Variants in CNKSR2 observed in about 807,000 individuals in gnomAD.
The protein encoded by CNKSR2 is CNK homolog protein 2.
In CNKSR2, 14 loss-of-function variants were observed where a neutral mutation model predicts 84.4. That is an observed-to-expected ratio of 0.17 (90% CI 0.11 to 0.26). The LOEUF is 0.26. CNKSR2 is among the 10% of genes least tolerant of loss of function. The pLI, the probability that CNKSR2 is intolerant of heterozygous loss-of-function variation, is 1.00. For synonymous variants in CNKSR2, 275 were observed against 277.9 expected (o/e 0.99, Z 0.10); for missense variants, 485 against 771.2 (o/e 0.63, Z 4.40).
At chrX:21,397,221 G>A (rs768420013) in intron 1 of CNKSR2, among the ~76,000 whole-genome samples, 2 of 111,252 alleles carry the variant, frequency 1.8e-5, no homozygotes, top group Non-Finnish European at 3.8e-5. Context: ...TGAACACACC[G>A]TACTTTTTGA....
chrX:21,488,783 A>G (rs2091412655), intron 5 of CNKSR2, among the ~76,000 whole-genome samples: 1 of 111,372 alleles, frequency 9.0e-6, no homozygotes, highest in South Asian at 3.8e-4. Context: ...AAGCCAAGGG[A>G]AAAGTCAAGC....
chrX:21,568,599 CT>C (rs1311872528), intron 13 of CNKSR2, among the ~76,000 whole-genome samples: 1 of 110,572 alleles, frequency 9.0e-6, no homozygotes, highest in African/African-American at 3.3e-5. Flanking sequence ...GGTTTTGTGG[CT>C]TTTTTTGATG....
At position 21,557,225 on chromosome X, in the gene CNKSR2, G is replaced by T. The variant is rs370834677; in HGVS notation, c.1304-4246G>T. On this transcript the variant is annotated intron_variant, in intron 11 of 21. Transcript: ENST00000379510. ...TGTTGTACACTAGCATTAAAGCATA[G>T]CAATTTTGTATTAAAATACAGTAAT... Among the ~76,000 whole-genome samples, 4 of 110,859 alleles carry T rather than the reference G, an allele frequency of 3.6e-5. 1 individual carries two copies. Among genetic ancestry groups the T allele is most frequent in the Admixed American group, 9.6e-5 (1 of 10,397 alleles).
intron 1 of CNKSR2, among the ~76,000 whole-genome samples, chrX:21,411,033 C>T (rs779044902): frequency 8.3e-4 from 91 of 109,453 alleles, no homozygotes; most frequent in Non-Finnish European, 1.6e-3. Flanking sequence ...TTATACTAAA[C>T]TTTTCTTTTG....
Position 21,506,613 on chromosome X carries a change from T to C in CNKSR2, c.810+5025T>C, listed in dbSNP as rs1007104906. The C allele has an allele frequency of 2.7e-5, 3 of 111,754 alleles. No individual in the cohort carries two copies. In the East Asian group the frequency reaches 8.4e-4, roughly 31 times the overall value. The allele number at this position is 111,754 out of a possible 1,213,427, so 9.2% of individuals were successfully genotyped here. On this transcript the variant is annotated intron_variant, in intron 8 of 21. Transcript: ENST00000379510. ...ACTAAAATTTATTATCTTAAGTCCT[T>C]ATATAAAGGAGATAAATTGTATGAT...
intron 1 of CNKSR2, among the ~76,000 whole-genome samples, chrX:21,399,355 T>G (rs1472071902): frequency 9.0e-6 from 1 of 111,587 alleles, no homozygotes; most frequent in Non-Finnish European, 1.9e-5. Flanking sequence ...TTATAGGTAT[T>G]TTTTATATGG....
intron 1 of CNKSR2, among the ~76,000 whole-genome samples, chrX:21,386,334 A>G (rs1050137150): frequency 1.8e-5 from 2 of 111,909 alleles, no homozygotes; most frequent in Non-Finnish European, 3.8e-5. Context: ...GACATTTATC[A>G]TAGACCAAAT....
intron 5 of CNKSR2, among the ~76,000 whole-genome samples, chrX:21,483,593 A>T (rs867791467): frequency 2.0e-5 from 2 of 98,738 alleles, no homozygotes; most frequent in South Asian, 4.7e-4. Context: ...AGTATAATAA[A>T]ATATATATAT....
intron 13 of CNKSR2, among the ~76,000 whole-genome samples, chrX:21,577,091 A>T (rs1473433643): frequency 1.8e-5 from 2 of 112,082 alleles, no homozygotes; most frequent in Admixed American, 9.5e-5. Context: ...TATTGTTTAA[A>T]TGTTTAGAAA....
chrX:21,586,322 G>C (rs138943430), intron 13 of CNKSR2, among the ~76,000 whole-genome samples: 29 of 111,898 alleles, frequency 2.6e-4, no homozygotes, highest in Non-Finnish European at 4.3e-4. Context: ...ACAGCTACTT[G>C]TATAAAACTG....
At chrX:21,530,952 A>C (rs1405019089) in intron 10 of CNKSR2, among the ~76,000 whole-genome samples, 1 of 110,501 alleles carries the variant, frequency 9.0e-6, no homozygotes, top group East Asian at 2.8e-4. Context: ...GAAAAAAATC[A>C]ACTTGCCATC....
Position 21,422,626 on chromosome X carries a change from C to T in CNKSR2, c.65-3871C>T, listed in dbSNP as rs1323740749. On this transcript the variant is annotated intron_variant, in intron 1 of 21. Transcript: ENST00000379510. Reference sequence around the variant, plus strand: ...GTATTTTCAGCCTTGCTGTAAGAAACAGTCTAATGGGAACTTATAGTTGTG... The same window carrying T: ...GTATTTTCAGCCTTGCTGTAAGAAATAGTCTAATGGGAACTTATAGTTGTG... Among the ~76,000 whole-genome samples, 4 of 111,841 alleles carry T rather than the reference C, an allele frequency of 3.6e-5. No homozygotes were observed. The Admixed American group carries it at 3.8e-4, about 11-fold the overall frequency.
At chrX:21,439,947 C>T (rs868748303) in intron 3 of CNKSR2, among the ~76,000 whole-genome samples, 1 of 109,243 alleles carries the variant, frequency 9.2e-6, no homozygotes, top group African/African-American at 3.3e-5. Flanking sequence ...ATACCCCTCC[C>T]CCCCAAAAAA....
intron 13 of CNKSR2, among the ~76,000 whole-genome samples, chrX:21,565,510 T>A (rs2092230397): frequency 9.0e-6 from 1 of 111,664 alleles, no homozygotes; most frequent in African/African-American, 3.3e-5. Flanking sequence ...TTGCCTCCTG[T>A]TTTTATTATA....
At chrX:21,601,460 A>T (rs747070001) in intron 18 of CNKSR2, 111 bp downstream of exon 18, 21 of 493,144 alleles carry the variant, frequency 4.3e-5, no homozygotes, top group Non-Finnish European at 6.9e-5. Flanking sequence ...ATTTTTGGTT[A>T]TTTCTCTTCT....
chrX:21,601,539 G>C (rs755212025), intron 18 of CNKSR2, among the ~76,000 whole-genome samples, 190 bp downstream of exon 18: 64 of 111,419 alleles, frequency 5.7e-4, no homozygotes, highest in African/African-American at 2.0e-3. Context: ...GGAGCAGCTA[G>C]TGTGGAGTTC....
chrX:21,473,745 G>GTTTTTTTTTTTTTTTTT lies in CNKSR2; in HGVS notation c.561+2941_561+2957dup, dbSNP rs768497403. On this transcript the variant is annotated intron_variant, in intron 5 of 21. Transcript: ENST00000379510. ...TAGGTTTTTTGTTGTTGTTGGTTTGGTTTTTTTTTTTTTTTTTTTGAGACA... is the reference window on the plus strand; with the variant it reads ...TAGGTTTTTTGTTGTTGTTGGTTTGGTTTTTTTTTTTTTTTTTTTTTTTTTTTTTTTTTTTTGAGACA... Among the ~76,000 whole-genome samples, 15 of 67,202 alleles carry GTTTTTTTTTTTTTTTTT rather than the reference G, an allele frequency of 2.2e-4. 3 individuals carry two copies. Among genetic ancestry groups the GTTTTTTTTTTTTTTTTT allele is most frequent in the African/African-American group, 1.5e-3 (15 of 9,709 alleles). The allele number at this position is 67,202 out of a possible 115,157, so 58.4% of individuals were successfully genotyped here.
intron 11 of CNKSR2, among the ~76,000 whole-genome samples, chrX:21,542,237 T>G (rs2091982942): frequency 8.9e-6 from 1 of 112,552 alleles, no homozygotes; most frequent in African/African-American, 3.2e-5. Context: ...CAATCTAGAT[T>G]AGTAGTTACT....
intron 20 of CNKSR2, chrX:21,644,169 A>T (rs1480901543): frequency 8.9e-6 from 1 of 111,761 alleles, no homozygotes; most frequent in Non-Finnish European, 1.9e-5. Context: ...TACAAGAATG[A>T]ATGTCTCTCA....
Sources: gnomAD v4.1 joint callset for allele counts (sites outside exome capture counted in the v4.1 genomes callset) on GRCh38, gnomAD v4.1.1 for gene constraint, MANE v1.5 for transcripts, NCBI Gene and HGNC (gene_info 2026-07-23, HGNC 2026-07-21) for gene names.